Variants in ZCCHC2 observed in about 807,000 individuals in gnomAD.
ZCCHC2 encodes the protein zinc finger CCHC domain-containing protein 2.
A neutral mutation model predicts 103.6 loss-of-function variants in ZCCHC2; 39 were observed. That is an observed-to-expected ratio of 0.38 (90% CI 0.29 to 0.49). The LOEUF is 0.49. ZCCHC2 is among the 20% of genes least tolerant of loss of function. The probability of loss-of-function intolerance (pLI) is 0.96; values close to 1 mark genes in which losing one functional copy is unlikely to be tolerated. For synonymous variants in ZCCHC2, 687 were observed against 608.9 expected (o/e 1.13, Z -1.89); for missense variants, 1,483 against 1,491.0 (o/e 0.99, Z 0.09).
intron 1 of ZCCHC2, among the ~76,000 whole-genome samples, chr18:62,533,872 C>CAAAAAAA (rs35039729): frequency 1.0e-5 from 1 of 99,564 alleles, no homozygotes. Context: ...AACTCTGCCT[C>CAAAAAAA]AAAAAAAAAA....
At chr18:62,556,069 T>A in intron 5 of ZCCHC2, 134 bp from the exon 6 acceptor site, 3 of 654,510 alleles carry the variant, frequency 4.6e-6, no homozygotes, top group East Asian at 2.7e-5. Flanking sequence ...GAAAATAATA[T>A]TCTTTTCTAT....
Position 62,524,162 on chromosome 18 carries a change from G to T in ZCCHC2, c.738G>T (p.Arg246=). The change falls in exon 1 of 14, where the codon CGG becomes CGT. Residue 246 remains arginine, a synonymous_variant. Coordinates refer to ENST00000269499, the MANE Select transcript of ZCCHC2 (RefSeq NM_017742.6). ...CGGAAGGCGGCATTGTGGAGCCCCG[G>T]GTCGGCGGCGGGCTTGGCTCCAGGG... is the stretch of plus-strand genomic sequence containing the variant. ...SGPEGGIVEP[R]VGGGLGSRAQ... 1 of 1,546,674 alleles carries T rather than the reference G, an allele frequency of 6.5e-7. No homozygotes were observed. The highest frequency in any genetic ancestry group is 2.5e-5 in the East Asian group (1 of 40,394).
In ZCCHC2 at chr18:62,523,339, G is replaced by C. The variant is rs866042801; in HGVS notation, c.-86G>C. On this transcript the variant is annotated 5_prime_UTR_variant, in exon 1 of 14. Transcript: ENST00000269499. ...GGCATGGAGGGGCCCCGCTCCTGAC[G>C]GCCGCGCCGCCGCCTCGGCCCGTGC... The C allele has an allele frequency of 8.1e-6, 8 of 982,970 alleles. No individual in the cohort carries two copies. The African/African-American group carries it at 8.9e-5, about 11-fold the overall frequency. 60.9% of individuals were successfully genotyped at this position (982,970 alleles called of 1,614,324 possible).
At chr18:62,537,823 T>G (rs1371885804) in intron 1 of ZCCHC2, among the ~76,000 whole-genome samples, 1 of 152,238 alleles carries the variant, frequency 6.6e-6, no homozygotes, top group Non-Finnish European at 1.5e-5. Flanking sequence ...ATAAAATAAT[T>G]CTGTGTTTAA....
In ZCCHC2 at chr18:62,574,373, T is replaced by A. The variant is rs1916719569; in HGVS notation, c.2292T>A (p.Ser764=). The A allele has an allele frequency of 2.5e-6, 4 of 1,614,014 alleles. No individual in the cohort carries two copies. The East Asian group carries it at 8.9e-5, about 36-fold the overall frequency. ...SPVAISAIRE[S]ANSTPVGILG... ...TTGCTATTTCTGCAATAAGGGAGTCTGCAAATTCAACCCCTGTTGGAATAC... is the reference window on the plus strand; with the variant it reads ...TTGCTATTTCTGCAATAAGGGAGTCAGCAAATTCAACCCCTGTTGGAATAC... Residue 764 remains serine (S), a synonymous_variant, in exon 13 of 14, where the codon TCT becomes TCA. Coordinates refer to ENST00000269499, the MANE Select transcript of ZCCHC2 (RefSeq NM_017742.6).
Position 62,575,289 on chromosome 18 carries a change from CAA to C in ZCCHC2, c.3209_3210del (p.Gln1070ProfsTer17). The C allele has an allele frequency of 6.2e-7, 1 of 1,613,968 alleles. No individual in the cohort carries two copies. The highest frequency in any genetic ancestry group is 8.5e-7 in the Non-Finnish European group (1 of 1,179,870). Reference sequence around the variant, plus strand: ...CCAAGCACATCAGAGCAATGGAAACCAACTTCCTTTTTTTCTGCCTCAGACTC... The same window carrying C: ...CCAAGCACATCAGAGCAATGGAAACCCTTCCTTTTTTTCTGCCTCAGACTC... ...LNQAHQSNGNQLPFFLPQTPY... is the reference protein window; with the variant it reads ...LNQAHQSNGNXLPFFLPQTPY... On this transcript the variant is annotated frameshift_variant, in exon 13 of 14. Transcript: ENST00000269499. LOFTEE classifies it high-confidence loss of function.
At chr18:62,564,180 C>CCT (rs1283193597) in intron 9 of ZCCHC2, among the ~76,000 whole-genome samples, 11 of 152,150 alleles carry the variant, frequency 7.2e-5, no homozygotes, top group Non-Finnish European at 1.5e-4. Context: ...ACTTTCCCTC[C>CCT]CCTACTCCAG....
chr18:62,565,157 C>A (rs1427868513), intron 11 of ZCCHC2, 61 bp downstream of exon 11: 9 of 1,254,522 alleles, frequency 7.2e-6, no homozygotes, highest in Non-Finnish European at 9.2e-6. Context: ...ATGATACTTA[C>A]TGTATTAATA....
intron 1 of ZCCHC2, among the ~76,000 whole-genome samples, chr18:62,536,942 A>G (rs981626703): frequency 6.6e-6 from 1 of 152,174 alleles, no homozygotes; most frequent in Admixed American, 6.5e-5. Context: ...CTTCAATTTA[A>G]TGTTTGTGGA....
At chr18:62,531,202 C>T (rs1914658695) in intron 1 of ZCCHC2, among the ~76,000 whole-genome samples, 2 of 152,106 alleles carry the variant, frequency 1.3e-5, no homozygotes, top group African/African-American at 4.8e-5. Context: ...GTCACAAAAG[C>T]CTCATTCATC....
At chr18:62,561,677 T>A (rs1321159504) in intron 8 of ZCCHC2, among the ~76,000 whole-genome samples, 2 of 152,264 alleles carry the variant, frequency 1.3e-5, no homozygotes, top group Non-Finnish European at 2.9e-5. Context: ...AACTCTGTTA[T>A]GCTGGACTCT....
chr18:62,576,145 A>G (rs1916833376), intron 13 of ZCCHC2, among the ~76,000 whole-genome samples: 1 of 152,236 alleles, frequency 6.6e-6, no homozygotes, highest in Non-Finnish European at 1.5e-5. Context: ...ACCACCAGAA[A>G]GAAGAAAATG....
intron 8 of ZCCHC2, among the ~76,000 whole-genome samples, chr18:62,562,117 C>T (rs150794491): frequency 0.014 from 2,082 of 152,244 alleles, 61 homozygotes; most frequent in African/African-American, 0.048. Context: ...CTGCCTCAGC[C>T]TCCCAAGTAG....
chr18:62,572,518 G>A (rs1182508217), intron 12 of ZCCHC2, among the ~76,000 whole-genome samples: 2 of 152,188 alleles, frequency 1.3e-5, no homozygotes, highest in African/African-American at 4.8e-5. Context: ...ATCCATTATG[G>A]TAGAGAGTTT....
Position 62,550,359 on chromosome 18 carries a change from A to G in ZCCHC2, c.1212A>G (p.Glu404=). ...TTTTTCTTTTCTAGCTTCCAAAGGA[A>G]CTGTCTTCAGAGACTTTTGACAAGA... is the stretch of plus-strand genomic sequence containing the variant. ...LQEFLLKLPK[E]LSSETFDKTI... is the part of the protein sequence containing the mutation. The change falls in exon 5 of 14, where the codon GAA becomes GAG. Residue 404 remains glutamate, a synonymous_variant. Coordinates refer to ENST00000269499, the MANE Select transcript of ZCCHC2 (RefSeq NM_017742.6). 1 of 1,612,942 alleles carries G rather than the reference A, an allele frequency of 6.2e-7. No individual in the cohort carries two copies. The highest frequency in any genetic ancestry group is 8.5e-7 in the Non-Finnish European group (1 of 1,179,480).
rs181388808 is a variant in ZCCHC2, at chr18:62,524,729, C to G, written c.939+366C>G. The G allele has an allele frequency of 2.9e-4, 72 of 249,774 alleles. No individual in the cohort carries two copies. In the East Asian group the frequency reaches 5.3e-3, roughly 18 times the overall value. The allele number at this position is 249,774 out of a possible 1,614,324, so 15.5% of individuals were successfully genotyped here. A position where few individuals can be genotyped will look rare whatever the true frequency, so the allele number is the denominator to read the frequency against. On this transcript the variant is annotated intron_variant, in intron 1 of 13. Transcript: ENST00000269499. ...ATCTCAGCGCTCGGTGCGGGAGCCG[C>G]CGGGCGCTGGAGGAACCTGTGTGAG... is the stretch of plus-strand genomic sequence containing the variant.
intron 8 of ZCCHC2, among the ~76,000 whole-genome samples, chr18:62,561,942 A>G (rs2145520316): frequency 6.6e-6 from 1 of 152,262 alleles, no homozygotes; most frequent in Admixed American, 6.5e-5. Flanking sequence ...TCCGTCTTCC[A>G]AGACTCCAAA....
chr18:62,570,689 A>G (rs572110222), intron 12 of ZCCHC2, among the ~76,000 whole-genome samples: 10 of 152,236 alleles, frequency 6.6e-5, no homozygotes, highest in Non-Finnish European at 1.3e-4. Context: ...CTTGCACAGT[A>G]TTTTGTTTTC....
intron 2 of ZCCHC2, among the ~76,000 whole-genome samples, chr18:62,540,145 T>C (rs752122770): frequency 2.6e-5 from 4 of 152,226 alleles, no homozygotes; most frequent in Non-Finnish European, 4.4e-5. Flanking sequence ...AGAAAATGAA[T>C]TTTATACAAG....
Sources: allele counts gnomAD v4.1 joint callset (sites outside exome capture counted in the v4.1 genomes callset), GRCh38; gene constraint gnomAD v4.1.1; transcripts MANE v1.5; gene names NCBI Gene and HGNC (gene_info 2026-07-23, HGNC 2026-07-21).